Variants in AFF2 observed in about 807,000 individuals in gnomAD.
AFF2 encodes the protein AF4/FMR2 family member 2.
A neutral mutation model predicts 76.9 loss-of-function variants in AFF2; 14 were observed. That is an observed-to-expected ratio of 0.18 (90% CI 0.12 to 0.28). The LOEUF (loss-of-function observed/expected upper bound fraction) is 0.28. Ranked by LOEUF, AFF2 falls within the 10% of genes least tolerant of loss-of-function variation. The probability of loss-of-function intolerance (pLI) is 1.00; values close to 1 mark genes in which losing one functional copy is unlikely to be tolerated. For missense variants in AFF2, 868 were observed against 1,001.1 expected (o/e 0.87, Z 1.79); for synonymous variants, 398 against 366.7 (o/e 1.09, Z -0.98).
chrX:148,737,456 A>G (rs1603291365), intron 3 of AFF2, among the ~76,000 whole-genome samples: 1 of 111,871 alleles, frequency 8.9e-6, no homozygotes, highest in Non-Finnish European at 1.9e-5. Context: ...TGATTTGTGT[A>G]CATTAATCTT....
chrX:148,939,919 C>T (rs964116632), intron 9 of AFF2, among the ~76,000 whole-genome samples: 2 of 111,960 alleles, frequency 1.8e-5, no homozygotes, highest in Non-Finnish European at 3.8e-5. Flanking sequence ...TGTTTAAACA[C>T]CTTGAATTTA....
chrX:148,764,065 G>A (rs1056406378), intron 3 of AFF2, among the ~76,000 whole-genome samples: 1 of 111,791 alleles, frequency 8.9e-6, no homozygotes, highest in African/African-American at 3.2e-5. Flanking sequence ...TTGTCATAAT[G>A]GTGCCAAAAA....
intron 7 of AFF2, among the ~76,000 whole-genome samples, chrX:148,878,083 T>C (rs1234511759): frequency 9.0e-6 from 1 of 111,494 alleles, no homozygotes; most frequent in African/African-American, 3.3e-5. Context: ...TCCTCATCAC[T>C]TGAGAATGGA....
At chrX:148,543,725 T>G (rs1307539703) in intron 1 of AFF2, among the ~76,000 whole-genome samples, 1 of 112,454 alleles carries the variant, frequency 8.9e-6, no homozygotes, top group Non-Finnish European at 1.9e-5. Flanking sequence ...TTTTTTGTAG[T>G]GGCTTACAGC....
At chrX:148,660,381 CTA>C (rs1569552704) in intron 2 of AFF2, among the ~76,000 whole-genome samples, 1 of 111,297 alleles carries the variant, frequency 9.0e-6, no homozygotes, top group Non-Finnish European at 1.9e-5. Flanking sequence ...TCTTCTCATT[CTA>C]TGTTTTCTTT....
chrX:148,886,187 G>A (rs41312620), intron 8 of AFF2, among the ~76,000 whole-genome samples: 8,037 of 111,205 alleles, frequency 0.072, 297 homozygotes, highest in Non-Finnish European at 0.11. Flanking sequence ...GTAAGGAGAT[G>A]CAGAGCTCTT....
At chrX:148,559,509 G>A (rs1188892991) in intron 1 of AFF2, among the ~76,000 whole-genome samples, 9 of 111,369 alleles carry the variant, frequency 8.1e-5, no homozygotes, top group African/African-American at 2.9e-4. Flanking sequence ...CCACTTATGA[G>A]TGAGAACATG....
At chrX:148,713,534 A>AAT (rs1174154729) in intron 3 of AFF2, among the ~76,000 whole-genome samples, 1 of 111,960 alleles carries the variant, frequency 8.9e-6, no homozygotes, top group Non-Finnish European at 1.9e-5. Context: ...TTTTACAGAA[A>AAT]ATACCTTCAG....
intron 5 of AFF2, among the ~76,000 whole-genome samples, chrX:148,838,480 CAG>C (rs1329301731): frequency 1.8e-5 from 2 of 111,786 alleles, no homozygotes; most frequent in African/African-American, 6.5e-5. Flanking sequence ...AGACAAGACT[CAG>C]AGTCGTATCT....
rs1557287125 is a variant in AFF2 at position 148,955,696 on chromosome X, A to G, written c.1651A>G (p.Thr551Ala). ...GTCTTTTATTTGTGGCCAAAATGAA[A>G]CACCCATGGAGACTATTTCTCTGCC... Reference protein sequence around the residue: ...NKSFICGQNETPMETISLPPP... With the variant: ...NKSFICGQNEAPMETISLPPP... Residue 551 changes from threonine (T) to alanine (A), a missense_variant, in exon 11 of 21, where the codon ACA (threonine) becomes GCA (alanine). By Grantham distance (58) the Thr-to-Ala change is moderately conservative (BLOSUM62 0). Around this residue, in one of 6 missense-constraint regions of AFF2, gnomAD observed 532 missense variants for 564.2 expected, o/e 0.94. Transcript: ENST00000370460. 8.3e-7 allele frequency: 1 copy of G among 1,211,525 alleles called. No homozygotes were observed. Among genetic ancestry groups the G allele is most frequent in the Non-Finnish European group, 1.1e-6 (1 of 895,427 alleles).
chrX:148,848,065 C>T (rs2070688768), intron 7 of AFF2, among the ~76,000 whole-genome samples: 1 of 110,731 alleles, frequency 9.0e-6, no homozygotes, highest in Admixed American at 9.7e-5. Flanking sequence ...GAGTTCAAAG[C>T]TGTCTCTCAT....
intron 7 of AFF2, among the ~76,000 whole-genome samples, chrX:148,854,683 C>T (rs138331624): frequency 1.8e-5 from 2 of 111,376 alleles, no homozygotes; most frequent in Non-Finnish European, 1.9e-5. Context: ...TATTGATGCT[C>T]CCAGAGCCAG....
At chrX:148,525,120 TA>T (rs1410252232) in intron 1 of AFF2, among the ~76,000 whole-genome samples, 1 of 112,123 alleles carries the variant, frequency 8.9e-6, no homozygotes, top group Non-Finnish European at 1.9e-5. Context: ...GCTAATTGTA[TA>T]AAAGAAAGTA....
chrX:148,701,012 A>AGTGTGTGTGTGTG (rs782232655), intron 3 of AFF2, among the ~76,000 whole-genome samples: 5 of 73,738 alleles, frequency 6.8e-5, no homozygotes, highest in African/African-American at 2.9e-4. Flanking sequence ...GAGAGAGAGA[A>AGTGTGTGTGTGTG]TGTGTGTGTG....
chrX:148,804,416 A>G (rs960609025), intron 3 of AFF2, among the ~76,000 whole-genome samples: 1 of 112,434 alleles, frequency 8.9e-6, no homozygotes. Context: ...ATAAAAGTTC[A>G]TGGTTACCTT....
intron 3 of AFF2, among the ~76,000 whole-genome samples, chrX:148,757,659 G>A (rs781941199): frequency 9.0e-6 from 1 of 111,292 alleles, no homozygotes; most frequent in Non-Finnish European, 1.9e-5. Context: ...TGAGGAGCAG[G>A]AAGACTTGTT....
chrX:148,687,042 A>G lies in AFF2; in HGVS notation c.1041+24274A>G, dbSNP rs782594023. On this transcript the variant is annotated intron_variant, in intron 3 of 20. Transcript: ENST00000370460. ...CCTGTGGAGCTTAAAGGATTGATAT[A>G]GTCTCTATAGATACTTTAACGCTTA... 2.0e-3 allele frequency among the ~76,000 whole-genome samples: 226 copies of G among 111,923 alleles called. 1 individual carries two copies. The highest frequency in any genetic ancestry group is 6.8e-3 in the African/African-American group (209 of 30,843).
At chrX:148,698,723 T>C (rs2054750463) in intron 3 of AFF2, among the ~76,000 whole-genome samples, 1 of 111,215 alleles carries the variant, frequency 9.0e-6, no homozygotes, top group African/African-American at 3.3e-5. Flanking sequence ...TGTTTACAGA[T>C]GTGTTTCCCC....
chrX:148,602,459 G>A (rs1445100080), intron 1 of AFF2, among the ~76,000 whole-genome samples: 1 of 109,880 alleles, frequency 9.1e-6, no homozygotes, highest in African/African-American at 3.3e-5. Context: ...GTGTGGGATT[G>A]GAGGGGGTGA....
Sources: allele counts gnomAD v4.1 joint callset (sites outside exome capture counted in the v4.1 genomes callset), GRCh38; gene constraint gnomAD v4.1.1; regional missense constraint gnomAD v4.1.1; transcripts MANE v1.5; gene names NCBI Gene and HGNC (gene_info 2026-07-23, HGNC 2026-07-21).